The following D2HGDH variants were observed in gnomAD, a reference collection of about 807,000 sequenced individuals.
D2HGDH encodes the protein D-2-hydroxyglutarate dehydrogenase.
D2HGDH carries 31 observed loss-of-function variants against 46.9 expected under a neutral mutation model. That is an observed-to-expected ratio of 0.66 (90% CI 0.50 to 0.89). The LOEUF is 0.89. Among genes scored for constraint, D2HGDH ranks in the 40% least tolerant of loss-of-function variants. The pLI is 0.00. For missense variants in D2HGDH, 698 were observed against 720.8 expected, an observed-to-expected ratio of 0.97 and a Z score of 0.36; for synonymous variants, 364 against 332.6, an observed-to-expected ratio of 1.09 and a Z score of -1.03.
chr2:241,741,241 G>A (rs1694374917), intron 3 of D2HGDH, 151 bp downstream of exon 3: 2 of 768,922 alleles, frequency 2.6e-6, no homozygotes, highest in Non-Finnish European at 4.5e-6. Context: ...TGGTTTTTCG[G>A]TGCTATCTCA....
chr2:241,737,172 G>A (rs1025903518), intron 2 of D2HGDH, among the ~76,000 whole-genome samples: 3 of 152,082 alleles, frequency 2.0e-5, no homozygotes, highest in Non-Finnish European at 4.4e-5. Flanking sequence ...GGGTTTTATC[G>A]TGTTAGCCAG....
rs889091275 is a variant in D2HGDH, at chr2:241,741,217, CAG to C, written c.350+128_350+129del. On this transcript the variant is annotated intron_variant, in intron 3 of 9. Coordinates refer to ENST00000321264, the MANE Select transcript of D2HGDH (RefSeq NM_152783.5). Reference sequence around the variant, plus strand: ...CGATGACATCTTGGTTTGTGTGTCTCAGTGTTTGTTCTGTGGTTTTTCGGTGC... The same window carrying C: ...CGATGACATCTTGGTTTGTGTGTCTCTGTTTGTTCTGTGGTTTTTCGGTGC... The C allele has an allele frequency of 2.4e-5, 21 of 860,250 alleles. No homozygotes were observed. The African/African-American group carries it at 3.5e-4, about 14-fold the overall frequency. The allele number at this position is 860,250 out of a possible 1,614,324, so 53.3% of individuals were successfully genotyped here.
At chr2:241,753,677 C>G (rs1219348782) in intron 8 of D2HGDH, among the ~76,000 whole-genome samples, 1 of 152,258 alleles carries the variant, frequency 6.6e-6, no homozygotes, top group Non-Finnish European at 1.5e-5. Flanking sequence ...GGAAGCCACA[C>G]TGGTCGCACC....
chr2:241,750,946 CAG>C (rs1227036650), intron 7 of D2HGDH, among the ~76,000 whole-genome samples: 9 of 152,210 alleles, frequency 5.9e-5, no homozygotes, highest in Admixed American at 5.2e-4. Context: ...TTAGTACAGA[CAG>C]GGTTTTGCCG....
chr2:241,755,754 G>C (rs769111520), intron 8 of D2HGDH, 95 bp from the exon 9 acceptor site: 138 of 1,608,964 alleles, frequency 8.6e-5, no homozygotes, highest in Non-Finnish European at 1.1e-4. Flanking sequence ...TGAAGATACA[G>C]AACATGCTGC....
In D2HGDH at chr2:241,754,997, G is replaced by T. The variant is rs757686052; in HGVS notation, c.1141-852G>T. The T allele has an allele frequency of 1.7e-5, 22 of 1,257,806 alleles. No homozygotes were observed. The African/African-American group carries it at 3.2e-4, about 18-fold the overall frequency. The allele number at this position is 1,257,806 out of a possible 1,614,324, so 77.9% of individuals were successfully genotyped here. A position where few individuals can be genotyped will look rare whatever the true frequency, so the allele number is the denominator to read the frequency against. ...GGTAGGACCCTGCAGGGGAGAGGTG[G>T]TCCTGCAGCCCACAGAGGATGGCTC... On this transcript the variant is annotated intron_variant, in intron 8 of 9. Coordinates refer to ENST00000321264, the MANE Select transcript of D2HGDH (RefSeq NM_152783.5).
At position 241,743,482 on chromosome 2, in the gene D2HGDH, G is replaced by A. The variant is rs1481870299; in HGVS notation, c.491-140G>A. The A allele has an allele frequency of 4.6e-6, 4 of 878,450 alleles. No individual in the cohort carries two copies. The highest frequency in any genetic ancestry group is 7.2e-6 in the Non-Finnish European group (4 of 557,712). The allele number at this position is 878,450 out of a possible 1,614,324, so 54.4% of individuals were successfully genotyped here. On this transcript the variant is annotated intron_variant, in intron 4 of 9. Coordinates refer to ENST00000321264, the MANE Select transcript of D2HGDH (RefSeq NM_152783.5). The surrounding 1 kb of genome is among the most constrained non-coding windows in gnomAD (Gnocchi z 4.8). Reference sequence around the variant, plus strand: ...TTCGTCCTTGGGCCAGCGATGTGGGGGTGCCTCTTCTCCTCAGCCCTGGCG... The same window carrying A: ...TTCGTCCTTGGGCCAGCGATGTGGGAGTGCCTCTTCTCCTCAGCCCTGGCG...
chr2:241,768,185 GGGCGA>G lies in D2HGDH; in HGVS notation c.*219_*223del. ...GGCGTGGCAGGCACCCTCCTTTGCA[GGGCGA>G]GGTGGGGCCTCTGCAGCCATCCTGG... is the stretch of plus-strand genomic sequence containing the variant. On this transcript the variant is annotated 3_prime_UTR_variant, in exon 10 of 10. Transcript: ENST00000321264. 1 of 715,596 alleles carries G rather than the reference GGGCGA, an allele frequency of 1.4e-6. No homozygotes were observed. The highest frequency in any genetic ancestry group is 2.2e-6 in the Non-Finnish European group (1 of 445,666). The allele number at this position is 715,596 out of a possible 1,614,324, so 44.3% of individuals were successfully genotyped here. A position where few individuals can be genotyped will look rare whatever the true frequency, so the allele number is the denominator to read the frequency against.
intron 8 of D2HGDH, 145 bp downstream of exon 8, chr2:241,751,533 A>G (rs1697202354): frequency 7.8e-7 from 1 of 1,289,824 alleles, no homozygotes; most frequent in Admixed American, 2.2e-5. Flanking sequence ...TTGAGAGAGT[A>G]GCCTCTTTGG....
At chr2:241,762,485 G>A (rs147058144) in intron 9 of D2HGDH, among the ~76,000 whole-genome samples, 315 of 152,288 alleles carry the variant, frequency 2.1e-3, no homozygotes, top group African/African-American at 7.2e-3. Context: ...CCTGTTGGCC[G>A]GGTGAGTGTT....
rs1195999350 is a variant in D2HGDH, at chr2:241,743,029, G to A, written c.490+455G>A. Among the ~76,000 whole-genome samples, 1 of 119,188 alleles carries A rather than the reference G, an allele frequency of 8.4e-6. No homozygotes were observed. The highest frequency in any genetic ancestry group is 4.0e-5 in the African/African-American group (1 of 25,040). 78.2% of individuals were successfully genotyped at this position (119,188 alleles called of 152,430 possible). A position where few individuals can be genotyped will look rare whatever the true frequency, so the allele number is the denominator to read the frequency against. On this transcript the variant is annotated intron_variant, in intron 4 of 9. Transcript: ENST00000321264. The surrounding 1 kb of genome is among the most constrained non-coding windows in gnomAD (Gnocchi z 4.8). ...GGATCCTGACCCAGGGCGCCAGGGC[G>A]TGGCAGGCGTGAGGGGATCCTGACC... is the stretch of plus-strand genomic sequence containing the variant.
In D2HGDH at chr2:241,759,080, C is replaced by T. The variant is rs904987803; in HGVS notation, c.1306+3066C>T. 2.6e-5 allele frequency among the ~76,000 whole-genome samples: 4 copies of T among 152,104 alleles called. No individual in the cohort carries two copies. The South Asian group carries it at 6.2e-4, about 24-fold the overall frequency. On this transcript the variant is annotated intron_variant, in intron 9 of 9. Transcript: ENST00000321264. ...TTATTGCATTATACCCAGGAAACTTCGTCCTTATCAGATCAGATTTTTGAA... is the reference window on the plus strand; with the variant it reads ...TTATTGCATTATACCCAGGAAACTTTGTCCTTATCAGATCAGATTTTTGAA...
intron 8 of D2HGDH, among the ~76,000 whole-genome samples, chr2:241,752,870 C>T (rs1047827127): frequency 7.0e-6 from 1 of 143,294 alleles, no homozygotes; most frequent in African/African-American, 2.6e-5. Context: ...TCTCTACCAG[C>T]CCCCATGCCA....
chr2:241,736,623 G>GT, intron 2 of D2HGDH, among the ~76,000 whole-genome samples: 1 of 151,110 alleles, frequency 6.6e-6, no homozygotes, highest in South Asian at 2.1e-4. Context: ...CAGGATGATC[G>GT]TATCTCAGTA....
At chr2:241,762,251 T>C (rs903043435) in intron 9 of D2HGDH, among the ~76,000 whole-genome samples, 14 of 151,944 alleles carry the variant, frequency 9.2e-5, no homozygotes, top group Admixed American at 6.6e-5. Flanking sequence ...TTTGCATTTT[T>C]AGTAGAGATG....
At chr2:241,751,141 C>G in intron 7 of D2HGDH, 105 bp from the exon 8 acceptor site, 1 of 1,520,162 alleles carries the variant, frequency 6.6e-7, no homozygotes, top group Non-Finnish European at 9.1e-7. Context: ...TTCTTGGCCA[C>G]GAAAGATCAG....
Position 241,743,913 on chromosome 2 carries a change from G to T in D2HGDH, c.684+98G>T. 1 of 1,376,178 alleles carries T rather than the reference G, an allele frequency of 7.3e-7. No individual in the cohort carries two copies. The highest frequency in any genetic ancestry group is 1.3e-5 in the South Asian group (1 of 77,256). 85.2% of individuals were successfully genotyped at this position (1,376,178 alleles called of 1,614,324 possible). On this transcript the variant is annotated intron_variant, in intron 5 of 9. Transcript: ENST00000321264. This position sits in a 1 kb window ranked among gnomAD's most constrained non-coding sequence, Gnocchi z 4.8. ...GTGGCACAGGTGCATGGGGCCCCTC[G>T]GGGTGGGAGGTCTTGGTTCCTGGCC...
intron 8 of D2HGDH, among the ~76,000 whole-genome samples, chr2:241,754,248 C>T (rs901490963): frequency 2.0e-5 from 3 of 152,332 alleles, no homozygotes; most frequent in African/African-American, 2.4e-5. Flanking sequence ...AAGCCGGCCT[C>T]GCAGCCGTGC....
At position 241,767,926 on chromosome 2, in the gene D2HGDH, A is replaced by G. The variant is rs770361030; in HGVS notation, c.1523A>G (p.Lys508Arg). 6.7e-5 allele frequency: 107 copies of G among 1,600,370 alleles called. No individual in the cohort carries two copies. Among genetic ancestry groups the G allele is most frequent in the Non-Finnish European group, 8.4e-5 (99 of 1,174,696 alleles). The change falls in exon 10 of 10, where the codon AAG becomes AGG. Residue 508 changes from lysine (K) to arginine (R), a missense_variant. Coordinates refer to ENST00000321264, the MANE Select transcript of D2HGDH (RefSeq NM_152783.5). Reference sequence around the variant, plus strand: ...CAGCTCAAGGCCCTGCTGGACCCCAAGGGCATCCTCAACCCCTACAAGACG... The same window carrying G: ...CAGCTCAAGGCCCTGCTGGACCCCAGGGGCATCCTCAACCCCTACAAGACG... ...MQQLKALLDP[K>R]GILNPYKTLP...
Sources: allele counts gnomAD v4.1 joint callset (sites outside exome capture counted in the v4.1 genomes callset), GRCh38; gene constraint gnomAD v4.1.1; non-coding constraint Gnocchi (gnomAD v3.1); transcripts MANE v1.5; gene names NCBI Gene and HGNC (gene_info 2026-07-23, HGNC 2026-07-21).